The following ABHD17C variants were observed in gnomAD, a reference collection of about 807,000 sequenced individuals.
ABHD17C encodes the protein alpha/beta hydrolase domain-containing protein 17C.
In ABHD17C, 11 loss-of-function variants were observed where a neutral mutation model predicts 27.9. That is an observed-to-expected ratio of 0.39 (90% CI 0.25 to 0.65). The LOEUF (loss-of-function observed/expected upper bound fraction) is 0.65. ABHD17C is among the 30% of genes least tolerant of loss of function. ABHD17C has a pLI of 0.45. For synonymous variants in ABHD17C, 233 were observed against 209.1 expected (o/e 1.11, Z -0.98); for missense variants, 280 against 470.2 (o/e 0.60, Z 3.74).
rs528481003 is a variant in ABHD17C at position 80,722,178 on chromosome 15, T to G, written c.590+26159T>G. ...AGAAGCGCACTGGAATTCCTTCTGATTTTTCCCTGTCTTCCTATTCTCTCT... is the reference window on the plus strand; with the variant it reads ...AGAAGCGCACTGGAATTCCTTCTGAGTTTTCCCTGTCTTCCTATTCTCTCT... On this transcript the variant is annotated intron_variant, in intron 1 of 2. Transcript: ENST00000258884. Among the ~76,000 whole-genome samples, 15 of 152,164 alleles carry G rather than the reference T, an allele frequency of 9.9e-5. No homozygotes were observed. In the East Asian group the frequency reaches 2.7e-3, roughly 28 times the overall value.
At chr15:80,699,346 T>C (rs535294203) in intron 1 of ABHD17C, among the ~76,000 whole-genome samples, 1 of 152,268 alleles carries the variant, frequency 6.6e-6, no homozygotes, top group East Asian at 1.9e-4. Flanking sequence ...TAATTTTTCC[T>C]AAGTTGGACT....
intron 1 of ABHD17C, among the ~76,000 whole-genome samples, chr15:80,733,735 C>T (rs1895087468): frequency 6.6e-6 from 1 of 152,198 alleles, no homozygotes; most frequent in African/African-American, 2.4e-5. Flanking sequence ...CCATCTGTGT[C>T]TCCTCCACTA....
intron 1 of ABHD17C, among the ~76,000 whole-genome samples, chr15:80,724,147 G>A (rs559853722): frequency 2.7e-4 from 41 of 152,034 alleles, no homozygotes; most frequent in Middle Eastern, 3.4e-3. Context: ...AGACCAGCCT[G>A]GGCAACAAGG....
chr15:80,742,569 C>T (rs1344190528), intron 1 of ABHD17C, among the ~76,000 whole-genome samples: 1 of 152,218 alleles, frequency 6.6e-6, no homozygotes, highest in Non-Finnish European at 1.5e-5. Context: ...GAAGCACCCT[C>T]ACAGACACAC....
chr15:80,741,257 G>GT (rs1477122018), intron 1 of ABHD17C, among the ~76,000 whole-genome samples: 1 of 151,748 alleles, frequency 6.6e-6, no homozygotes, highest in Non-Finnish European at 1.5e-5. Flanking sequence ...CCCAGCAGCT[G>GT]TTTTTTTAAT....
intron 1 of ABHD17C, among the ~76,000 whole-genome samples, chr15:80,741,376 A>G (rs77943369): frequency 0.015 from 2,334 of 152,244 alleles, 24 homozygotes; most frequent in Middle Eastern, 0.034. Context: ...GTAATTTCAC[A>G]ATTAGAAGAT....
intron 1 of ABHD17C, among the ~76,000 whole-genome samples, chr15:80,707,476 A>C (rs1204923305): frequency 6.6e-6 from 1 of 152,152 alleles, no homozygotes; most frequent in East Asian, 1.9e-4. Flanking sequence ...AGAGCTGTCC[A>C]ATCTTTTGGC....
At chr15:80,696,117 C>A (rs972850629) in intron 1 of ABHD17C, 98 bp downstream of exon 1, 4 of 1,280,220 alleles carry the variant, frequency 3.1e-6, no homozygotes, top group Non-Finnish European at 3.2e-6. Flanking sequence ...GAGAGGGGCC[C>A]CTCCTCCGGG....
rs572064902 is a variant in ABHD17C, at chr15:80,695,966, C to G, written c.537C>G (p.Ser179=). ...SGYGVSSGKP[S]EKNLYADIDA... ...ACGGCGTCAGCTCGGGCAAGCCCTC[C>G]GAGAAGAACCTCTACGCCGACATCG... Residue 179 remains serine (S), a synonymous_variant, in exon 1 of 3, where the codon TCC becomes TCG. Coordinates refer to ENST00000258884, the MANE Select transcript of ABHD17C (RefSeq NM_021214.2). This position sits in a 1 kb window ranked among gnomAD's most constrained non-coding sequence, Gnocchi z 4.3. 4 of 1,592,908 alleles carry G rather than the reference C, an allele frequency of 2.5e-6. No homozygotes were observed. The highest frequency in any genetic ancestry group is 2.2e-5 in the South Asian group (2 of 90,172).
chr15:80,735,283 C>T (rs905719151), intron 1 of ABHD17C, among the ~76,000 whole-genome samples: 2 of 152,206 alleles, frequency 1.3e-5, no homozygotes, highest in African/African-American at 4.8e-5. Context: ...TTATTTCCTA[C>T]TGAAACAGAC....
intron 1 of ABHD17C, among the ~76,000 whole-genome samples, chr15:80,717,225 C>T (rs150252166): frequency 3.5e-4 from 52 of 148,082 alleles, no homozygotes; most frequent in African/African-American, 1.3e-3. Context: ...TACACTCTAT[C>T]AGCCAGAGGC....
intron 1 of ABHD17C, among the ~76,000 whole-genome samples, chr15:80,745,556 G>A (rs1340458414): frequency 6.6e-6 from 1 of 151,970 alleles, no homozygotes; most frequent in Admixed American, 6.6e-5. Context: ...TTGTGGAGAT[G>A]GTGTCTTGCT....
rs1167797847 is a variant in ABHD17C at position 80,754,825 on chromosome 15, T to C, written c.*455T>C. 3 of 155,208 alleles carry C rather than the reference T, an allele frequency of 1.9e-5. No individual in the cohort carries two copies. Among genetic ancestry groups the C allele is most frequent in the African/African-American group, 7.2e-5 (3 of 41,508 alleles). The allele number at this position is 155,208 out of a possible 1,614,324, so 9.6% of individuals were successfully genotyped here. A position where few individuals can be genotyped will look rare whatever the true frequency, so the allele number is the denominator to read the frequency against. ...TGATAGTGTAACTGGAAAGCTAGTG[T>C]GGTGAAAATTCCTTTATTATTTTTT... On this transcript the variant is annotated 3_prime_UTR_variant, in exon 3 of 3. Coordinates refer to ENST00000258884, the MANE Select transcript of ABHD17C (RefSeq NM_021214.2).
chr15:80,708,195 T>A (rs4778620), intron 1 of ABHD17C, among the ~76,000 whole-genome samples: 9,279 of 152,286 alleles, frequency 0.061, 352 homozygotes, highest in South Asian at 0.11. Context: ...CTGTTTTCCA[T>A]CTTTTCCTTC....
At chr15:80,698,998 C>G (rs1894535606) in intron 1 of ABHD17C, among the ~76,000 whole-genome samples, 1 of 152,244 alleles carries the variant, frequency 6.6e-6, no homozygotes, top group South Asian at 2.1e-4. Context: ...AAGCCCCACA[C>G]TCAGGACTTT....
intron 1 of ABHD17C, among the ~76,000 whole-genome samples, chr15:80,721,601 T>A (rs1245603489): frequency 6.6e-6 from 1 of 152,250 alleles, no homozygotes; most frequent in Non-Finnish European, 1.5e-5. Context: ...ATCGTCATTG[T>A]CATCGTCATC....
At chr15:80,750,025 A>G (rs969093569) in intron 2 of ABHD17C, among the ~76,000 whole-genome samples, 1 of 152,230 alleles carries the variant, frequency 6.6e-6, no homozygotes. Context: ...TCGCTCATTC[A>G]TTCAGAGACA....
intron 1 of ABHD17C, among the ~76,000 whole-genome samples, chr15:80,707,896 C>T (rs1257877522): frequency 2.6e-5 from 4 of 152,128 alleles, no homozygotes; most frequent in Non-Finnish European, 4.4e-5. Flanking sequence ...TCCAAGAAAA[C>T]CCTAAAAAGG....
At chr15:80,743,730 C>T (rs778527678) in intron 1 of ABHD17C, among the ~76,000 whole-genome samples, 1 of 152,050 alleles carries the variant, frequency 6.6e-6, no homozygotes, top group African/African-American at 2.4e-5. Flanking sequence ...CGCTACTAGG[C>T]GCACAGCACC....
Sources: allele counts gnomAD v4.1 joint callset (sites outside exome capture counted in the v4.1 genomes callset), GRCh38; gene constraint gnomAD v4.1.1; non-coding constraint Gnocchi (gnomAD v3.1); transcripts MANE v1.5; gene names NCBI Gene and HGNC (gene_info 2026-07-23, HGNC 2026-07-21).